Variants in CST7 observed in about 807,000 individuals in gnomAD.
CST7 encodes the protein cystatin F.
Under a neutral mutation model 13.1 loss-of-function variants are expected in CST7, and 15 were observed. The observed-to-expected ratio is 1.14, with a 90% confidence interval of 0.77 to 1.76. The LOEUF is 1.76. Ranked by LOEUF, CST7 falls within the 40% of genes most tolerant of loss-of-function variation. The probability of loss-of-function intolerance (pLI) is 0.00; values close to 1 mark genes in which losing one functional copy is unlikely to be tolerated. For synonymous variants in CST7, 75 were observed against 66.9 expected, an observed-to-expected ratio of 1.12 and a Z score of -0.59; for missense variants, 193 against 178.8, an observed-to-expected ratio of 1.08 and a Z score of -0.45.
intron 1 of CST7, among the ~76,000 whole-genome samples, chr20:24,954,436 T>G (rs932378047): frequency 6.6e-6 from 1 of 152,214 alleles, no homozygotes; most frequent in African/African-American, 2.4e-5. Context: ...AGAGCTGCAT[T>G]CGCTCACCAC....
intron 2 of CST7, among the ~76,000 whole-genome samples, chr20:24,958,292 G>A (rs1285639350): frequency 6.6e-6 from 1 of 152,102 alleles, no homozygotes; most frequent in Admixed American, 6.5e-5. Context: ...GGTGATGCAG[G>A]CCCTCCCTCC....
At chr20:24,954,003 T>C (rs1439771166) in intron 1 of CST7, among the ~76,000 whole-genome samples, 1 of 152,010 alleles carries the variant, frequency 6.6e-6, no homozygotes, top group Non-Finnish European at 1.5e-5. Flanking sequence ...ACCTTGCAGC[T>C]GCTCCCCCAT....
intron 1 of CST7, among the ~76,000 whole-genome samples, chr20:24,950,503 C>T (rs1479643492): frequency 6.6e-6 from 1 of 152,188 alleles, no homozygotes; most frequent in African/African-American, 2.4e-5. Context: ...TGTCGAGCTC[C>T]CAGGCCTGGC....
chr20:24,949,708 G>T (rs1003845787), intron 1 of CST7, 133 bp downstream of exon 1: 1 of 1,222,892 alleles, frequency 8.2e-7, no homozygotes, highest in African/African-American at 1.5e-5. Flanking sequence ...AGAGGTGCTG[G>T]GAGTGGTGAG....
chr20:24,959,109 G>T, intron 3 of CST7, 65 bp downstream of exon 3: 1 of 1,283,140 alleles, frequency 7.8e-7, no homozygotes. Flanking sequence ...TCCCAGGACT[G>T]TGAAAAACAC....
intron 1 of CST7, among the ~76,000 whole-genome samples, chr20:24,954,988 A>G (rs2087843784): frequency 6.6e-6 from 1 of 152,148 alleles, no homozygotes; most frequent in South Asian, 2.1e-4. Flanking sequence ...TAGTTTTTAC[A>G]AAGAAAACAA....
chr20:24,954,302 G>T (rs2087839948), intron 1 of CST7, among the ~76,000 whole-genome samples: 2 of 152,114 alleles, frequency 1.3e-5, no homozygotes, highest in Non-Finnish European at 2.9e-5. Flanking sequence ...CCTCCAGACA[G>T]AGCAGGCAGA....
chr20:24,952,556 T>G (rs1260166370), intron 1 of CST7, among the ~76,000 whole-genome samples: 3 of 152,184 alleles, frequency 2.0e-5, no homozygotes, highest in Non-Finnish European at 4.4e-5. Flanking sequence ...CGTCTCCAGG[T>G]GGGCAGAGTG....
Position 24,949,315 on chromosome 20 carries a change from G to T in CST7, c.-191G>T. The T allele has an allele frequency of 6.7e-7, 1 of 1,497,956 alleles. No individual in the cohort carries two copies. 92.8% of individuals were successfully genotyped at this position (1,497,956 alleles called of 1,614,324 possible). A position where few individuals can be genotyped will look rare whatever the true frequency, so the allele number is the denominator to read the frequency against. The stretch of plus-strand genomic sequence containing the variant: ...AGGCTCAGCACAGGCACAAACCATT[G>T]CCCGGCACTGGCCCGTGCTGCCTGA... On this transcript the variant is annotated 5_prime_UTR_variant, in exon 1 of 4. Coordinates refer to ENST00000480798, the MANE Select transcript of CST7 (RefSeq NM_003650.4).
intron 1 of CST7, among the ~76,000 whole-genome samples, chr20:24,953,743 C>T (rs932713259): frequency 6.6e-6 from 1 of 152,194 alleles, no homozygotes; most frequent in African/African-American, 2.4e-5. Flanking sequence ...GCTCCTGGTG[C>T]GAGCCTCGCA....
At chr20:24,950,468 G>T (rs1034482222) in intron 1 of CST7, among the ~76,000 whole-genome samples, 8 of 152,206 alleles carry the variant, frequency 5.3e-5, no homozygotes, top group African/African-American at 1.9e-4. Flanking sequence ...GGATACTGAG[G>T]ACTCAGTGAT....
intron 1 of CST7, among the ~76,000 whole-genome samples, chr20:24,951,799 G>A (rs934323121): frequency 6.6e-6 from 1 of 152,198 alleles, no homozygotes; most frequent in Non-Finnish European, 1.5e-5. Flanking sequence ...TTGCCACACT[G>A]GCTTCCGCCA....
chr20:24,957,560 C>T (rs1370420355), intron 2 of CST7, 101 bp downstream of exon 2: 1 of 1,154,710 alleles, frequency 8.7e-7, no homozygotes, highest in African/African-American at 1.5e-5. Flanking sequence ...ATGTGAAGTC[C>T]CTGCTGAGTG....
chr20:24,957,290 C>CT lies in CST7; in HGVS notation c.76dup (p.Cys26LeufsTer6), dbSNP rs2087864602. 6.2e-7 allele frequency: 1 copy of CT among 1,612,126 alleles called. No homozygotes were observed. The highest frequency in any genetic ancestry group is 1.3e-5 in the African/African-American group (1 of 74,810). On this transcript the variant is annotated frameshift_variant, in exon 2 of 4. Coordinates refer to ENST00000480798, the MANE Select transcript of CST7 (RefSeq NM_003650.4). LOFTEE classifies it high-confidence loss of function. ...TCTGGCTCTTTGTCTCTTTCAGATA[C>CT]TTGTTCCCAGGACCTTAACTCACGT...
intron 1 of CST7, among the ~76,000 whole-genome samples, chr20:24,956,051 A>G (rs1007956560): frequency 3.3e-5 from 5 of 152,090 alleles, no homozygotes; most frequent in Non-Finnish European, 7.4e-5. Context: ...TCCCTTCACA[A>G]TGGAGACTCT....
At chr20:24,955,416 G>A (rs929618412) in intron 1 of CST7, among the ~76,000 whole-genome samples, 1 of 151,158 alleles carries the variant, frequency 6.6e-6, no homozygotes, top group African/African-American at 2.4e-5. Context: ...GAACAGAGCG[G>A]TTTCTATTCC....
At chr20:24,950,023 C>T (rs2087809948) in intron 1 of CST7, among the ~76,000 whole-genome samples, 1 of 152,190 alleles carries the variant, frequency 6.6e-6, no homozygotes, top group African/African-American at 2.4e-5. Context: ...ACTCTTTCAC[C>T]CTTCCTGAAA....
chr20:24,954,450 C>G (rs2087840986), intron 1 of CST7, among the ~76,000 whole-genome samples: 1 of 152,236 alleles, frequency 6.6e-6, no homozygotes, highest in Non-Finnish European at 1.5e-5. Context: ...TCACCACCTG[C>G]TGGACTGCTT....
chr20:24,955,062 AAAC>A (rs2087844659), intron 1 of CST7, among the ~76,000 whole-genome samples: 2 of 152,146 alleles, frequency 1.3e-5, no homozygotes, highest in African/African-American at 2.4e-5. Context: ...CAACAAAAAA[AAAC>A]GCTAATCTGA....
Sources: allele counts gnomAD v4.1 joint callset (sites outside exome capture counted in the v4.1 genomes callset), GRCh38; gene constraint gnomAD v4.1.1; transcripts MANE v1.5; gene names NCBI Gene and HGNC (gene_info 2026-07-23, HGNC 2026-07-21).